The following CDK5RAP3 variants were observed in gnomAD, a reference collection of about 807,000 sequenced individuals.
The protein encoded by CDK5RAP3 is CDK5 regulatory subunit associated protein 3, also known as CDK5 regulatory subunit-associated protein 3.
In CDK5RAP3, 58 loss-of-function variants were observed where a neutral mutation model predicts 73.3. The observed-to-expected ratio is 0.79, with a 90% CI of 0.64 to 0.98. The LOEUF is 0.98. Ranked by LOEUF, CDK5RAP3 falls within the 50% of genes least tolerant of loss-of-function variation. The pLI, the probability that CDK5RAP3 is intolerant of heterozygous loss-of-function variation, is 0.00. For synonymous variants in CDK5RAP3, 224 were observed against 247.5 expected (o/e 0.91, Z 0.89); for missense variants, 525 against 615.8 (o/e 0.85, Z 1.56).
At chr17:47,978,456 C>G (rs2036473513) in intron 10 of CDK5RAP3, 1 of 232,880 alleles carries the variant, frequency 4.3e-6, no homozygotes, top group Non-Finnish European at 8.5e-6. Flanking sequence ...TAGGAGGGCT[C>G]TAGGGGGATC....
chr17:47,975,156 C>T lies in CDK5RAP3; in HGVS notation c.335-3C>T. The T allele has an allele frequency of 6.2e-7, 1 of 1,614,118 alleles. No homozygotes were observed. Among genetic ancestry groups the T allele is most frequent in the Non-Finnish European group, 8.5e-7 (1 of 1,180,028 alleles). ...TGGGCTGAATTTCCTGGGCACTTCT[C>T]AGTGGAACTCTCTAGCCTCCTGGTT... On this transcript the variant is annotated splice_polypyrimidine_tract_variant and splice_region_variant and intron_variant, in intron 5 of 13. Transcript: ENST00000338399.
At position 47,980,295 on chromosome 17, in the gene CDK5RAP3, G is replaced by C. The variant is rs1053606011; in HGVS notation, c.1078-298G>C. ...TTCTTTCTTCCTTTTTTTTTAAAAA[G>C]AGTTTCTCTGTCGCCCAGTCTGGAG... On this transcript the variant is annotated intron_variant, in intron 11 of 13. Transcript: ENST00000338399. The C allele has an allele frequency of 4.0e-5, 11 of 276,240 alleles. No individual in the cohort carries two copies. The Admixed American group carries it at 4.9e-4, about 12-fold the overall frequency. The allele number at this position is 276,240 out of a possible 1,614,324, so 17.1% of individuals were successfully genotyped here.
chr17:47,971,400 G>A lies in CDK5RAP3; in HGVS notation c.45G>A (p.Lys15=), dbSNP rs1011654847. Residue 15 remains lysine (K), a synonymous_variant, in exon 2 of 14, where the codon AAG becomes AAA. Coordinates refer to ENST00000338399, the MANE Select transcript of CDK5RAP3 (RefSeq NM_176096.3). ...QHVPIDIQTS[K]LLDWLVDRRH... ...TGCCCATCGACATCCAGACCAGCAA[G>A]CTGCTCGGTAGGAGGGGGCGCCACC... 4 of 1,607,188 alleles carry A rather than the reference G, an allele frequency of 2.5e-6. No individual in the cohort carries two copies. The highest frequency in any genetic ancestry group is 3.4e-6 in the Non-Finnish European group (4 of 1,177,028).
In CDK5RAP3 at chr17:47,977,916, T is replaced by C. The variant is rs756564428; in HGVS notation, c.988+6T>C. Reference sequence around the variant, plus strand: ...GCTGGAAGCAGGAACCCAGGGTAAGTGCACCATCCCCTGCAGCCCTGGCAA... The same window carrying C: ...GCTGGAAGCAGGAACCCAGGGTAAGCGCACCATCCCCTGCAGCCCTGGCAA... On this transcript the variant is annotated splice_donor_region_variant and intron_variant, in intron 10 of 13. Coordinates refer to ENST00000338399, the MANE Select transcript of CDK5RAP3 (RefSeq NM_176096.3). 14 of 1,613,600 alleles carry C rather than the reference T, an allele frequency of 8.7e-6. No homozygotes were observed. In the South Asian group the frequency reaches 1.3e-4, roughly 15 times the overall value.
chr17:47,974,875 A>G (rs1472058249), intron 5 of CDK5RAP3: 1 of 1,334,522 alleles, frequency 7.5e-7, no homozygotes, highest in African/African-American at 1.5e-5. Flanking sequence ...AATAATAATA[A>G]TGGCTAATAT....
At chr17:47,976,953 GT>G (rs2036430733) in intron 9 of CDK5RAP3, 131 bp downstream of exon 9, 5 of 508,770 alleles carry the variant, frequency 9.8e-6, no homozygotes, top group Admixed American at 3.8e-5. Flanking sequence ...GGGAGGCAGA[GT>G]TTCACACGTC....
upstream of CDK5RAP3, among the ~76,000 whole-genome samples, chr17:47,969,231 T>TG (rs1213628644): frequency 6.6e-6 from 1 of 151,842 alleles, no homozygotes; most frequent in Non-Finnish European, 1.5e-5. Flanking sequence ...TGTGCTGTGG[T>TG]GAACAGGAGC....
intron 8 of CDK5RAP3, 92 bp from the exon 9 acceptor site, chr17:47,976,620 T>C: frequency 2.3e-6 from 2 of 878,094 alleles, no homozygotes; most frequent in Non-Finnish European, 3.8e-6. Context: ...ATCCTCGGCC[T>C]CCCAAAGTAC....
At chr17:47,968,998 C>T (rs12945188), upstream of CDK5RAP3, among the ~76,000 whole-genome samples, 3,621 of 152,132 alleles carry the variant, frequency 0.024, 134 homozygotes, top group African/African-American at 0.082. Context: ...ATGAGAAATA[C>T]AGCCACAGTA....
Position 47,981,768 on chromosome 17 carries a change from C to T in CDK5RAP3, c.*266C>T. ...GCGGACTTAATAAAAGAGGAAAAAACTCTTGCTTCAGTACTGACAGTTCCT... is the reference window on the plus strand; with the variant it reads ...GCGGACTTAATAAAAGAGGAAAAAATTCTTGCTTCAGTACTGACAGTTCCT... On this transcript the variant is annotated 3_prime_UTR_variant, in exon 14 of 14. Coordinates refer to ENST00000338399, the MANE Select transcript of CDK5RAP3 (RefSeq NM_176096.3). 6.9e-7 allele frequency: 1 copy of T among 1,455,894 alleles called. No homozygotes were observed. Among genetic ancestry groups the T allele is most frequent in the Non-Finnish European group, 9.1e-7 (1 of 1,094,610 alleles). The allele number at this position is 1,455,894 out of a possible 1,614,324, so 90.2% of individuals were successfully genotyped here.
At position 47,971,393 on chromosome 17, in the gene CDK5RAP3, C is replaced by G. The variant is rs779846561; in HGVS notation, c.38C>G (p.Thr13Ser). ...DHQHVPIDIQ[T>S]SKLLDWLVDR... ...CAGCACGTGCCCATCGACATCCAGA[C>G]CAGCAAGCTGCTCGGTAGGAGGGGG... Residue 13 changes from threonine (T) to serine (S), a missense_variant, in exon 2 of 14, where the codon ACC becomes AGC. This residue lies in a region of CDK5RAP3 where 409 missense variants were observed against 429.8 expected (regional missense o/e 0.95). Transcript: ENST00000338399. 5.0e-6 allele frequency: 8 copies of G among 1,608,950 alleles called. No individual in the cohort carries two copies. Among genetic ancestry groups the G allele is most frequent in the Non-Finnish European group, 6.8e-6 (8 of 1,177,810 alleles).
intron 11 of CDK5RAP3, chr17:47,980,312 A>G: frequency 2.9e-6 from 1 of 342,206 alleles, no homozygotes; most frequent in Non-Finnish European, 5.4e-6. Context: ...TCTGTCGCCC[A>G]GTCTGGAGTG....
chr17:47,973,492 G>T (rs773434536), intron 2 of CDK5RAP3, 27 bp from the exon 3 acceptor site: 18 of 1,607,596 alleles, frequency 1.1e-5, no homozygotes, highest in Non-Finnish European at 1.5e-5. Flanking sequence ...GAATGGGAAT[G>T]CTCTAATTTG....
upstream of CDK5RAP3, chr17:47,971,108 G>C (rs766975703): frequency 1.3e-6 from 2 of 1,551,790 alleles, no homozygotes; most frequent in Non-Finnish European, 1.7e-6. Context: ...AGGGCGGGGC[G>C]GGCCACAGTC....
At position 47,981,419 on chromosome 17, in the gene CDK5RAP3, T is replaced by G. The variant is rs773519208; in HGVS notation, c.1456-18T>G. ...CCTGAGCACCCCTGCTTCTGCCCAC[T>G]TGGTATCACTCTTTCAGATTGAAGC... On this transcript the variant is annotated intron_variant, in intron 13 of 13. Coordinates refer to ENST00000338399, the MANE Select transcript of CDK5RAP3 (RefSeq NM_176096.3). The G allele has an allele frequency of 5.0e-6, 8 of 1,614,242 alleles. No individual in the cohort carries two copies. Among genetic ancestry groups the G allele is most frequent in the Non-Finnish European group, 5.9e-6 (7 of 1,180,038 alleles).
chr17:47,979,194 G>A, intron 11 of CDK5RAP3: 1 of 362,106 alleles, frequency 2.8e-6, no homozygotes, highest in Non-Finnish European at 5.0e-6. Context: ...AATGGGGAAT[G>A]CAGACTGGAA....
At chr17:47,971,209 C>T (rs1468492965) in intron 1 of CDK5RAP3, 57 bp downstream of exon 1, 8 of 1,528,532 alleles carry the variant, frequency 5.2e-6, no homozygotes, top group Non-Finnish European at 6.2e-6. Flanking sequence ...TAACCTGTGT[C>T]TCCGGTCTCC....
upstream of CDK5RAP3, among the ~76,000 whole-genome samples, chr17:47,969,556 CAAAAAAAAAAA>C (rs36208323): frequency 4.0e-4 from 32 of 79,854 alleles, 1 homozygote; most frequent in Admixed American, 2.5e-3. Flanking sequence ...GACTCCGTCT[CAAAAAAAAAAA>C]AAAAAAAAAA....
At chr17:47,978,499 A>G in intron 10 of CDK5RAP3, 2 of 292,460 alleles carry the variant, frequency 6.8e-6, no homozygotes, top group Non-Finnish European at 1.3e-5. Flanking sequence ...CCCCCGCCCC[A>G]ACAGCAGAGA....
Sources: gnomAD v4.1 joint callset for allele counts (sites outside exome capture counted in the v4.1 genomes callset) on GRCh38, gnomAD v4.1.1 for gene constraint, gnomAD v4.1.1 regional missense constraint, MANE v1.5 for transcripts, NCBI Gene and HGNC (gene_info 2026-07-23, HGNC 2026-07-21) for gene names.